Variants in PDE7A observed in about 807,000 individuals in gnomAD.
PDE7A encodes high affinity 3',5'-cyclic-AMP phosphodiesterase 7A.
Under a neutral mutation model 64.3 loss-of-function variants are expected in PDE7A, and 39 were observed. The observed-to-expected ratio is 0.61, with a 90% CI of 0.47 to 0.79. The LOEUF is 0.79. Ranked by LOEUF, PDE7A falls within the 30% of genes least tolerant of loss-of-function variation. The probability of loss-of-function intolerance (pLI) is 0.00; values close to 1 mark genes in which losing one functional copy is unlikely to be tolerated. For missense variants in PDE7A, 470 were observed against 582.8 expected, an observed-to-expected ratio of 0.81 and a Z score of 1.99; for synonymous variants, 203 against 206.8, an observed-to-expected ratio of 0.98 and a Z score of 0.16.
At chr8:65,720,723 T>C (rs1434908811) in intron 12 of PDE7A, 1 of 152,238 alleles carries the variant, frequency 6.6e-6, no homozygotes, top group East Asian at 1.9e-4. Context: ...ACAAGATCCC[T>C]GCCCTCAAGG....
intron 1 of PDE7A, among the ~76,000 whole-genome samples, chr8:65,797,085 C>A (rs148044624): frequency 1.6e-4 from 24 of 152,140 alleles, no homozygotes; most frequent in African/African-American, 5.5e-4. Flanking sequence ...GCAATCATAA[C>A]CATAAACATA....
At chr8:65,773,972 T>C (rs927522769) in intron 3 of PDE7A, among the ~76,000 whole-genome samples, 75 of 152,228 alleles carry the variant, frequency 4.9e-4, no homozygotes, top group African/African-American at 1.7e-3. Context: ...ACTCTTTTAC[T>C]GATTTCCTTA....
At chr8:65,720,112 A>T (rs1806312817) in intron 12 of PDE7A, among the ~76,000 whole-genome samples, 1 of 152,224 alleles carries the variant, frequency 6.6e-6, no homozygotes. Context: ...CCAGAGACCT[A>T]TTTTATAAAC....
chr8:65,793,851 G>C (rs1158716086), intron 1 of PDE7A, among the ~76,000 whole-genome samples: 2 of 152,166 alleles, frequency 1.3e-5, no homozygotes, highest in Non-Finnish European at 2.9e-5. Context: ...GCACAAGTTT[G>C]TTAAAAACAG....
At chr8:65,806,117 C>T (rs1810101704) in intron 1 of PDE7A, among the ~76,000 whole-genome samples, 1 of 152,166 alleles carries the variant, frequency 6.6e-6, no homozygotes, top group Non-Finnish European at 1.5e-5. Flanking sequence ...ACTGTAAACA[C>T]TCTAAATATC....
intron 1 of PDE7A, among the ~76,000 whole-genome samples, chr8:65,814,293 C>T (rs1177342946): frequency 3.3e-5 from 5 of 151,482 alleles, no homozygotes; most frequent in Non-Finnish European, 7.4e-5. Flanking sequence ...GGGCGGATCA[C>T]GAGGTCAGGA....
chr8:65,775,018 A>T (rs1223551637), intron 3 of PDE7A, among the ~76,000 whole-genome samples: 1 of 152,232 alleles, frequency 6.6e-6, no homozygotes, highest in African/African-American at 2.4e-5. Context: ...TTCTACATTC[A>T]GTTCTGATAA....
intron 1 of PDE7A, among the ~76,000 whole-genome samples, chr8:65,807,725 T>C (rs1810144444): frequency 6.6e-6 from 1 of 152,300 alleles, no homozygotes; most frequent in Middle Eastern, 3.4e-3. Flanking sequence ...TTCTGGATGG[T>C]TTTATCATAA....
intron 3 of PDE7A, among the ~76,000 whole-genome samples, chr8:65,760,774 A>G (rs1808448713): frequency 6.6e-6 from 1 of 152,194 alleles, no homozygotes; most frequent in Non-Finnish European, 1.5e-5. Context: ...CTAGACTCCT[A>G]TTATGGGGAA....
chr8:65,720,208 A>G (rs1328035060), intron 12 of PDE7A, among the ~76,000 whole-genome samples: 2 of 152,230 alleles, frequency 1.3e-5, no homozygotes, highest in Non-Finnish European at 2.9e-5. Flanking sequence ...ATAGCACTCC[A>G]CTGCACATTA....
At chr8:65,758,906 G>A (rs746137931) in intron 3 of PDE7A, among the ~76,000 whole-genome samples, 4 of 152,098 alleles carry the variant, frequency 2.6e-5, no homozygotes, top group Non-Finnish European at 5.9e-5. Flanking sequence ...TATGTTCAGG[G>A]CGTTCCTACC....
chr8:65,724,444 TATAA>T lies in PDE7A; in HGVS notation c.1066-97_1066-94del, dbSNP rs536182238. 2.4e-3 allele frequency: 1,718 copies of T among 715,156 alleles called. 3 individuals carry two copies. The highest frequency in any genetic ancestry group is 6.4e-3 in the Admixed American group (249 of 38,948). 44.3% of individuals were successfully genotyped at this position (715,156 alleles called of 1,614,324 possible). ...GTGCAAGGACTGGATTAACCATAAATATAAATAAATAAGCCAGAAATATAATTCT... is the reference window on the plus strand; with the variant it reads ...GTGCAAGGACTGGATTAACCATAAATATAAATAAGCCAGAAATATAATTCT... On this transcript the variant is annotated intron_variant, in intron 10 of 12. Coordinates refer to ENST00000401827, the MANE Select transcript of PDE7A (RefSeq NM_001242318.3).
At chr8:65,827,473 GTAGA>G (rs1810706126) in intron 1 of PDE7A, among the ~76,000 whole-genome samples, 1 of 152,090 alleles carries the variant, frequency 6.6e-6, no homozygotes, top group African/African-American at 2.4e-5. Context: ...TTTGAAGTAG[GTAGA>G]ATGTTTTTTG....
chr8:65,788,988 A>G, intron 1 of PDE7A: 2 of 1,602,728 alleles, frequency 1.2e-6, no homozygotes, highest in Non-Finnish European at 1.7e-6. Context: ...TCTACTAGGG[A>G]GCAAGGAAAA....
intron 1 of PDE7A, among the ~76,000 whole-genome samples, chr8:65,800,578 C>T (rs757926619): frequency 8.5e-5 from 13 of 152,154 alleles, no homozygotes; most frequent in Non-Finnish European, 1.8e-4. Flanking sequence ...TAGCACTCTG[C>T]AGTAAACACC....
rs1216391989 is a variant in PDE7A, at chr8:65,716,249, G to C, written c.*3041C>G. On this transcript the variant is annotated 3_prime_UTR_variant, in exon 13 of 13. Transcript: ENST00000401827. ...TATTATATGTGTAGGCAGGAAATGG[G>C]AGCCACACCCACAGTTCCCCTGAGA... Among the ~76,000 whole-genome samples the C allele has an allele frequency of 6.6e-6, 1 of 152,036 alleles. No homozygotes were observed. Among genetic ancestry groups the C allele is most frequent in the Non-Finnish European group, 1.5e-5 (1 of 67,998 alleles).
rs539500595 is a variant in PDE7A, at chr8:65,794,705, G to GAC, written c.139-11864_139-11863dup. ...CACATATAACATTGCAAAAGAGAGA[G>GAC]ACACACACACAGAGATTGAGATCTT... On this transcript the variant is annotated intron_variant, in intron 1 of 12. Transcript: ENST00000401827. Among the ~76,000 whole-genome samples the GAC allele has an allele frequency of 2.0e-3, 298 of 152,088 alleles. 1 individual carries two copies. Among genetic ancestry groups the GAC allele is most frequent in the African/African-American group, 6.3e-3 (263 of 41,480 alleles).
At chr8:65,745,374 C>T (rs751938227) in intron 5 of PDE7A, 33 bp downstream of exon 5, 1 of 1,238,098 alleles carries the variant, frequency 8.1e-7, no homozygotes. Context: ...ATCTAGACTA[C>T]ATTAACTTGA....
chr8:65,816,654 T>G (rs762723358), intron 1 of PDE7A, among the ~76,000 whole-genome samples: 1 of 152,238 alleles, frequency 6.6e-6, no homozygotes, highest in African/African-American at 2.4e-5. Context: ...TTCCAGCACT[T>G]TGAATATGTC....
Sources: gnomAD v4.1 joint callset for allele counts (sites outside exome capture counted in the v4.1 genomes callset) on GRCh38, gnomAD v4.1.1 for gene constraint, MANE v1.5 for transcripts, NCBI Gene and HGNC (gene_info 2026-07-23, HGNC 2026-07-21) for gene names.